Variants in PCM1 observed in about 807,000 individuals in gnomAD.
PCM1 encodes the protein pericentriolar material 1 protein.
A neutral mutation model predicts 241.9 loss-of-function variants in PCM1; 157 were observed. The ratio of observed to expected loss-of-function variants is 0.65; its 90% confidence interval spans 0.57 to 0.74. The LOEUF is 0.74. Among genes scored for constraint, PCM1 ranks in the 30% least tolerant of loss-of-function variants. PCM1 has a pLI of 0.00. For synonymous variants in PCM1, 1,085 were observed against 784.9 expected (o/e 1.38, Z -6.39); for missense variants, 3,478 against 2,360.1 (o/e 1.47, Z -9.81).
chr8:17,926,383 A>G (rs913801450), intron 2 of PCM1: 1 of 152,234 alleles, frequency 6.6e-6, no homozygotes, highest in Admixed American at 6.5e-5. Flanking sequence ...CAGTACTTTC[A>G]TTTTTACGGA....
At chr8:17,975,088 T>C (rs1328680059) in intron 23 of PCM1, among the ~76,000 whole-genome samples, 1 of 152,186 alleles carries the variant, frequency 6.6e-6, no homozygotes, top group Non-Finnish European at 1.5e-5. Context: ...GTATTTTTCT[T>C]CAGTATGCAT....
chr8:18,027,062 T>C (rs2094284396), intron 38 of PCM1, among the ~76,000 whole-genome samples: 1 of 152,216 alleles, frequency 6.6e-6, no homozygotes, highest in African/African-American at 2.4e-5. Context: ...GTTTTCTTTT[T>C]GTTGTTCTCC....
intron 17 of PCM1, 113 bp downstream of exon 17, chr8:17,963,404 T>C (rs1342220218): frequency 3.0e-6 from 2 of 672,236 alleles, no homozygotes; most frequent in Admixed American, 3.7e-5. Context: ...GCTATTTCAG[T>C]GAGGCTACTG....
rs775038094 is a variant in PCM1, at chr8:17,955,586, A to C, written c.1405A>C (p.Thr469Pro). 2.5e-6 allele frequency: 4 copies of C among 1,613,694 alleles called. No homozygotes were observed. The highest frequency in any genetic ancestry group is 4.5e-5 in the East Asian group (2 of 44,870). The change falls in exon 10 of 39, where the codon ACT (threonine) becomes CCT (proline). Residue 469 changes from threonine (T) to proline (P), a missense_variant. Transcript: ENST00000325083. The stretch of plus-strand genomic sequence containing the variant: ...CCTCACATCATCTGTTCCTTATCCT[A>C]CTGCTTCTCTAGTATCTCAGAATGA... ...NSLTSSVPYP[T>P]ASLVSQNESE...
At chr8:18,016,123 T>C (rs888958861) in intron 36 of PCM1, among the ~76,000 whole-genome samples, 2 of 152,170 alleles carry the variant, frequency 1.3e-5, no homozygotes, top group Admixed American at 6.5e-5. Context: ...CTCCTGACAT[T>C]GTAATCCGCC....
Position 18,006,424 on chromosome 8 carries a change from C to A in PCM1, c.4962+27C>A, listed in dbSNP as rs751770750. 3 of 1,536,634 alleles carry A rather than the reference C, an allele frequency of 2.0e-6. No individual in the cohort carries two copies. In the South Asian group the frequency reaches 3.4e-5, roughly 17 times the overall value. Reference sequence around the variant, plus strand: ...TAAGAGTTTATACTTGTATGATTTACCAATATGTACTGTGTGGTAAGGTTT... The same window carrying A: ...TAAGAGTTTATACTTGTATGATTTAACAATATGTACTGTGTGGTAAGGTTT... On this transcript the variant is annotated intron_variant, in intron 30 of 38. Transcript: ENST00000325083.
intron 8 of PCM1, among the ~76,000 whole-genome samples, chr8:17,951,460 A>G (rs2065980708): frequency 6.6e-6 from 1 of 152,230 alleles, no homozygotes; most frequent in Non-Finnish European, 1.5e-5. Flanking sequence ...AGGTAGATGG[A>G]AGAATATTCA....
In PCM1 at chr8:17,953,185, A is replaced by C. The variant is rs764500453; in HGVS notation, c.1287A>C (p.Ser429=). ...GAGATCAGCATCTTAACAATTCATC[A>C]TGTGAGTAAATCTGGTTCAGCAGTA... The part of the protein sequence containing the change: ...TLRDQHLNNS[S]SSPQRSVDQR... Residue 429 remains serine, a splice_region_variant and synonymous_variant, in exon 9 of 39, where the codon TCA becomes TCC. Coordinates refer to ENST00000325083, the MANE Select transcript of PCM1 (RefSeq NM_006197.4). 2 of 1,516,260 alleles carry C rather than the reference A, an allele frequency of 1.3e-6. No homozygotes were observed. The highest frequency in any genetic ancestry group is 1.8e-6 in the Non-Finnish European group (2 of 1,111,010). The allele number at this position is 1,516,260 out of a possible 1,614,324, so 93.9% of individuals were successfully genotyped here.
At chr8:18,024,746 A>C (rs539632879) in intron 36 of PCM1, among the ~76,000 whole-genome samples, 1 of 152,316 alleles carries the variant, frequency 6.6e-6, no homozygotes, top group African/African-American at 2.4e-5. Context: ...TGGGGGATCT[A>C]CTATTATATA....
intron 26 of PCM1, among the ~76,000 whole-genome samples, chr8:17,989,528 T>A (rs2083768596): frequency 6.6e-6 from 1 of 152,050 alleles, no homozygotes; most frequent in Non-Finnish European, 1.5e-5. Flanking sequence ...TTGTTAGCAT[T>A]TGGAGATAGG....
intron 33 of PCM1, 129 bp downstream of exon 33, chr8:18,011,495 A>G (rs1160787133): frequency 9.5e-7 from 1 of 1,055,836 alleles, no homozygotes. Flanking sequence ...TTTCACTGTG[A>G]CCCTGACTAA....
At chr8:17,964,408 A>G (rs774282770) in intron 17 of PCM1, among the ~76,000 whole-genome samples, 160 bp from the exon 18 acceptor site, 12 of 152,338 alleles carry the variant, frequency 7.9e-5, no homozygotes, top group Middle Eastern at 3.4e-3. Flanking sequence ...TATAACAGCA[A>G]TAGGGAGAGT....
At chr8:17,948,550 G>A (rs940358725) in intron 7 of PCM1, among the ~76,000 whole-genome samples, 7 of 151,792 alleles carry the variant, frequency 4.6e-5, no homozygotes, top group African/African-American at 1.7e-4. Flanking sequence ...TGATCTGCCC[G>A]CCTTGGCCTC....
At chr8:17,977,431 A>G (rs2079155096) in intron 23 of PCM1, among the ~76,000 whole-genome samples, 1 of 152,178 alleles carries the variant, frequency 6.6e-6, no homozygotes, top group Non-Finnish European at 1.5e-5. Flanking sequence ...CAGATAATAA[A>G]TTGACAATAT....
chr8:17,940,339 A>T (rs987985957), intron 6 of PCM1, among the ~76,000 whole-genome samples: 1 of 152,210 alleles, frequency 6.6e-6, no homozygotes, highest in Non-Finnish European at 1.5e-5. Flanking sequence ...AGTTTTATTT[A>T]TTAACACTAA....
chr8:17,998,880 G>A (rs2088024100), intron 29 of PCM1, among the ~76,000 whole-genome samples: 1 of 152,138 alleles, frequency 6.6e-6, no homozygotes, highest in Non-Finnish European at 1.5e-5. Context: ...ACAAGACAAA[G>A]TCCTTCCCAC....
chr8:17,935,780 T>G, intron 3 of PCM1, 74 bp downstream of exon 3: 1 of 738,096 alleles, frequency 1.4e-6, no homozygotes. Flanking sequence ...TGACCAAATT[T>G]AACTCACTGA....
chr8:17,969,958 G>C (rs962702198), intron 22 of PCM1, among the ~76,000 whole-genome samples: 2 of 152,108 alleles, frequency 1.3e-5, no homozygotes, highest in African/African-American at 4.8e-5. Flanking sequence ...GAAGGATGTG[G>C]CGTAACTCAT....
chr8:18,014,318 A>AT, intron 35 of PCM1, among the ~76,000 whole-genome samples: 1 of 151,544 alleles, frequency 6.6e-6, no homozygotes, highest in South Asian at 2.1e-4. Context: ...ATTTAAAAAA[A>AT]AAATCTATTT....
Sources: gnomAD v4.1 joint callset for allele counts (sites outside exome capture counted in the v4.1 genomes callset) on GRCh38, gnomAD v4.1.1 for gene constraint, MANE v1.5 for transcripts, NCBI Gene and HGNC (gene_info 2026-07-23, HGNC 2026-07-21) for gene names.